The following OR4N5 variants were observed in gnomAD, a reference collection of about 807,000 sequenced individuals.
OR4N5 encodes the protein olfactory receptor 4N5.
For missense variants in OR4N5, 428 were observed against 370.0 expected (o/e 1.16, Z -1.29); for synonymous variants, 155 against 140.6 (o/e 1.10, Z -0.72).
Position 20,144,960 on chromosome 14 carries a change from A to G in OR4N5, c.*298A>G, listed in dbSNP as rs10134272. On this transcript the variant is annotated 3_prime_UTR_variant, in exon 3 of 3. Transcript: ENST00000641086. ...AGAAACAGTGTTCTGTAGCAAGCAG[A>G]AAGTGGTATTATGCTAGAGATTAGC... 0.012 allele frequency: 2,801 copies of G among 236,722 alleles called. 64 individuals carry two copies. Among genetic ancestry groups the G allele is most frequent in the African/African-American group, 0.049 (2,115 of 43,446 alleles). The allele number at this position is 236,722 out of a possible 1,614,324, so 14.7% of individuals were successfully genotyped here.
intron 2 of OR4N5, 43 bp downstream of exon 2, chr14:20,141,254 C>G (rs1467448578): frequency 6.6e-6 from 1 of 152,050 alleles, no homozygotes; most frequent in Non-Finnish European, 1.5e-5. Flanking sequence ...TTCTTAAGAC[C>G]AGGTTTCTGT....
chr14:20,139,032 G>C (rs984561038), intron 1 of OR4N5, 142 bp downstream of exon 1: 2 of 152,054 alleles, frequency 1.3e-5, no homozygotes, highest in African/African-American at 4.8e-5. Context: ...GTAAGGGTGA[G>C]TTGTAAATTC....
intron 2 of OR4N5, among the ~76,000 whole-genome samples, chr14:20,142,261 GA>G (rs1878631804): frequency 3.3e-5 from 5 of 151,942 alleles, no homozygotes; most frequent in African/African-American, 1.2e-4. Flanking sequence ...GAGTAGCTGG[GA>G]CTACAAGCAC....
rs1482801559 is a variant in OR4N5 at position 20,144,515 on chromosome 14, C to G, written c.780C>G (p.Cys260Trp). 6.2e-7 allele frequency: 1 copy of G among 1,614,058 alleles called. No homozygotes were observed. The highest frequency in any genetic ancestry group is 1.1e-5 in the South Asian group (1 of 91,078). ...MFGPAIFIYT[C>W]PFQAFPADKV... ...GACCTGCTATTTTCATCTACACTTG[C>G]CCCTTCCAGGCTTTCCCAGCTGACA... Residue 260 changes from cysteine (C) to tryptophan (W), a missense_variant, in exon 3 of 3, where the codon TGC becomes TGG. Cys to Trp is a radical substitution (Grantham distance 215). Transcript: ENST00000641086.
At chr14:20,143,444 T>C (rs766598370) in intron 2 of OR4N5, among the ~76,000 whole-genome samples, 4 of 152,210 alleles carry the variant, frequency 2.6e-5, no homozygotes, top group Non-Finnish European at 4.4e-5. Flanking sequence ...CAACTTCTAA[T>C]ATTCTTCAAG....
In OR4N5 at chr14:20,144,464, T is replaced by A; in HGVS notation, c.729T>A (p.His243Gln). The A allele has an allele frequency of 6.2e-7, 1 of 1,614,050 alleles. No individual in the cohort carries two copies. The highest frequency in any genetic ancestry group is 8.5e-7 in the Non-Finnish European group (1 of 1,179,926). Residue 243 changes from histidine to glutamine, a missense_variant, in exon 3 of 3, where the codon CAT (histidine) becomes CAA (glutamine). Physicochemically the swap from His to Gln is conservative, Grantham distance 24 (BLOSUM62 0). Transcript: ENST00000641086. ...AGGCTATTTCCACATGCACCACCCATATTATCATTATATTTCTCATGTTTG... is the reference window on the plus strand; with the variant it reads ...AGGCTATTTCCACATGCACCACCCAAATTATCATTATATTTCTCATGTTTG... ...KSKAISTCTT[H>Q]IIIIFLMFGP...
rs1197057393 is a variant in OR4N5 at position 20,144,386 on chromosome 14, C to T, written c.651C>T (p.Ser217=). The T allele has an allele frequency of 6.2e-7, 1 of 1,614,032 alleles. No individual in the cohort carries two copies. Among genetic ancestry groups the T allele is most frequent in the South Asian group, 1.1e-5 (1 of 91,082 alleles). Residue 217 remains serine (S), a synonymous_variant, in exon 3 of 3, where the codon TCC becomes TCT. Transcript: ENST00000641086. ...SLLCFLGLLA[S]YAVILCRIRE... ...TGTGCTTCCTGGGCCTTCTGGCCTC[C>T]TATGCAGTCATCCTCTGTCGTATAA...
rs749363675 is a variant in OR4N5, at chr14:20,144,154, C to A, written c.419C>A (p.Ala140Asp). The A allele has an allele frequency of 1.2e-6, 2 of 1,614,130 alleles. No individual in the cohort carries two copies. The highest frequency in any genetic ancestry group is 4.5e-5 in the East Asian group (2 of 44,874). The change falls in exon 3 of 3, where the codon GCC (alanine) becomes GAC (aspartate). Residue 140 changes from alanine to aspartate, a missense_variant. Transcript: ENST00000641086. Reference sequence around the variant, plus strand: ...TATTCAACCATCATGAACCCTAGAGCCTGCTATGCATTATCGTTGGTTCTG... The same window carrying A: ...TATTCAACCATCATGAACCCTAGAGACTGCTATGCATTATCGTTGGTTCTG... ...LHYSTIMNPR[A>D]CYALSLVLWL...
chr14:20,144,105 A>T lies in OR4N5; in HGVS notation c.370A>T (p.Ile124Phe), dbSNP rs201109155. The T allele has an allele frequency of 6.2e-7, 1 of 1,614,110 alleles. No homozygotes were observed. The highest frequency in any genetic ancestry group is 2.2e-5 in the East Asian group (1 of 44,864). The change falls in exon 3 of 3, where the codon ATC (isoleucine) becomes TTC (phenylalanine). Residue 124 changes from isoleucine to phenylalanine, a missense_variant. Ile to Phe is a conservative substitution (Grantham distance 21, BLOSUM62 0). Coordinates refer to ENST00000641086, the MANE Select transcript of OR4N5 (RefSeq NM_001004724.2). Reference sequence around the variant, plus strand: ...CGTTGTGATGGCCTTTGACCGCTACATCGCCATCTGCCGGCCTTTACACTA... The same window carrying T: ...CGTTGTGATGGCCTTTGACCGCTACTTCGCCATCTGCCGGCCTTTACACTA... The part of the protein sequence containing the change: ...LLVVMAFDRY[I>F]AICRPLHYST...
At chr14:20,140,072 T>C (rs972866194) in intron 1 of OR4N5, among the ~76,000 whole-genome samples, 2 of 152,162 alleles carry the variant, frequency 1.3e-5, no homozygotes, top group Non-Finnish European at 1.5e-5. Flanking sequence ...GTAGAAAAAG[T>C]CATTGGAATG....
In OR4N5 at chr14:20,144,569, C is replaced by G. The variant is rs1280876441; in HGVS notation, c.834C>G (p.Ile278Met). ...TAGTTTCTCTTTTCCATACTGTCAT[C>G]TTTCCTTTGATGAACCCTGTTATTT... Reference protein sequence around the residue: ...DKVVSLFHTVIFPLMNPVIYT... With the variant: ...DKVVSLFHTVMFPLMNPVIYT... Residue 278 changes from isoleucine (I) to methionine (M), a missense_variant, in exon 3 of 3, where the codon ATC becomes ATG. Transcript: ENST00000641086. 4.3e-6 allele frequency: 7 copies of G among 1,613,856 alleles called. No homozygotes were observed. The Admixed American group carries it at 1.0e-4, about 23-fold the overall frequency.
chr14:20,140,829 T>A lies in OR4N5; in HGVS notation c.-380-14T>A, dbSNP rs1878601426. 1 of 152,064 alleles carries A rather than the reference T, an allele frequency of 6.6e-6. No individual in the cohort carries two copies. Among genetic ancestry groups the A allele is most frequent in the Non-Finnish European group, 1.5e-5 (1 of 68,014 alleles). 9.4% of individuals were successfully genotyped at this position (152,064 alleles called of 1,614,324 possible). A position where few individuals can be genotyped will look rare whatever the true frequency, so the allele number is the denominator to read the frequency against. On this transcript the variant is annotated splice_polypyrimidine_tract_variant and intron_variant, in intron 1 of 2. Coordinates refer to ENST00000641086, the MANE Select transcript of OR4N5 (RefSeq NM_001004724.2). ...GGCCTACACTGACAATGCCTCTTTG[T>A]CTTATCTGACTAGAACAAGAAGTTT...
chr14:20,138,938 A>G (rs1173305541), intron 1 of OR4N5, 48 bp downstream of exon 1: 2 of 81,892 alleles, frequency 2.4e-5, no homozygotes, highest in Non-Finnish European at 5.6e-5. Context: ...AGAGAAAAAG[A>G]AAAAAAAAGA....
Position 20,144,695 on chromosome 14 carries a change from G to A in OR4N5, c.*33G>A, listed in dbSNP as rs1396491359. On this transcript the variant is annotated 3_prime_UTR_variant, in exon 3 of 3. Coordinates refer to ENST00000641086, the MANE Select transcript of OR4N5 (RefSeq NM_001004724.2). ...AAAGAGAAAAGCAAGAACGGAGAAA[G>A]TCCAGTTGAATTTAGCTAAATCATT... 7.0e-6 allele frequency: 10 copies of A among 1,419,334 alleles called. No homozygotes were observed. The African/African-American group carries it at 1.4e-4, about 20-fold the overall frequency. The allele number at this position is 1,419,334 out of a possible 1,614,324, so 87.9% of individuals were successfully genotyped here. A position where few individuals can be genotyped will look rare whatever the true frequency, so the allele number is the denominator to read the frequency against.
At chr14:20,143,684 TG>T (rs1295331209) in intron 2 of OR4N5, 40 bp from the exon 3 acceptor site, 1 of 1,267,168 alleles carries the variant, frequency 7.9e-7, no homozygotes, top group Non-Finnish European at 1.1e-6. Context: ...GATGAAAAGG[TG>T]GTTATAACAG....
intron 2 of OR4N5, among the ~76,000 whole-genome samples, chr14:20,142,625 G>A (rs1258846662): frequency 6.6e-6 from 1 of 152,106 alleles, no homozygotes; most frequent in African/African-American, 2.4e-5. Flanking sequence ...GGAATATTTA[G>A]ACATGCAGCA....
chr14:20,140,129 C>T (rs1958698), intron 1 of OR4N5, among the ~76,000 whole-genome samples: 89,840 of 151,998 alleles, frequency 0.59, 27,091 homozygotes, highest in African/African-American at 0.73. Flanking sequence ...TACCTTGGAA[C>T]AGGTTAAGCA....
At chr14:20,140,628 T>C (rs1186642924) in intron 1 of OR4N5, among the ~76,000 whole-genome samples, 1 of 152,196 alleles carries the variant, frequency 6.6e-6, no homozygotes, top group African/African-American at 2.4e-5. Context: ...CGGGACAGTA[T>C]GGGGACCCTC....
rs1439443082 is a variant in OR4N5 at position 20,144,366 on chromosome 14, T to C, written c.631T>C (p.Phe211Leu). Residue 211 changes from phenylalanine (F) to leucine (L), a missense_variant, in exon 3 of 3, where the codon TTC becomes CTC. Physicochemically the swap from Phe to Leu is conservative, Grantham distance 22 (BLOSUM62 0). Transcript: ENST00000641086. Reference protein sequence around the residue: ...SNSGLLSLLCFLGLLASYAVI... With the variant: ...SNSGLLSLLCLLGLLASYAVI... ...CAGTGGCCTGCTCAGCCTCCTGTGC[T>C]TCCTGGGCCTTCTGGCCTCCTATGC... The C allele has an allele frequency of 6.2e-7, 1 of 1,614,014 alleles. No homozygotes were observed. Among genetic ancestry groups the C allele is most frequent in the Admixed American group, 1.7e-5 (1 of 59,966 alleles).
Sources: allele counts gnomAD v4.1 joint callset (sites outside exome capture counted in the v4.1 genomes callset), GRCh38; gene constraint gnomAD v4.1.1; transcripts MANE v1.5; gene names NCBI Gene and HGNC (gene_info 2026-07-23, HGNC 2026-07-21).